Variants in CCDC68 observed in about 807,000 individuals in gnomAD.
CCDC68 encodes the protein coiled-coil domain containing 68, also known as coiled-coil domain-containing protein 68.
In CCDC68, 45 loss-of-function variants were observed where a neutral mutation model predicts 47.1. The ratio of observed to expected loss-of-function variants is 0.96; its 90% CI spans 0.75 to 1.23. CCDC68 has a LOEUF of 1.23. Ranked by LOEUF, CCDC68 falls within the 50% of genes most tolerant of loss-of-function variation. CCDC68 has a pLI of 0.00. For missense variants in CCDC68, 353 were observed against 373.6 expected (o/e 0.94, Z 0.45); for synonymous variants, 131 against 129.5 (o/e 1.01, Z -0.08).
chr18:54,922,513 T>C (rs958840510), intron 8 of CCDC68, among the ~76,000 whole-genome samples: 2 of 151,992 alleles, frequency 1.3e-5, no homozygotes, highest in African/African-American at 4.8e-5. Context: ...CTAAGGAGCC[T>C]CAGAAGAAAA....
chr18:54,917,834 T>C, intron 10 of CCDC68, 79 bp downstream of exon 10: 1 of 714,088 alleles, frequency 1.4e-6, no homozygotes. Context: ...TACCCTCACG[T>C]GCACAGACAC....
intron 1 of CCDC68, among the ~76,000 whole-genome samples, chr18:54,956,321 G>C (rs1038918068): frequency 8.5e-5 from 13 of 152,304 alleles, no homozygotes; most frequent in Admixed American, 7.8e-4. Context: ...GTTTGTTGGA[G>C]AGTTACACAC....
At chr18:54,907,453 T>TA (rs1914075938) in intron 11 of CCDC68, among the ~76,000 whole-genome samples, 1 of 152,102 alleles carries the variant, frequency 6.6e-6, no homozygotes. Flanking sequence ...ATCAATGGCA[T>TA]AAAAAACTTG....
chr18:54,950,016 A>G (rs1369668140), intron 1 of CCDC68, among the ~76,000 whole-genome samples: 1 of 152,202 alleles, frequency 6.6e-6, no homozygotes, highest in African/African-American at 2.4e-5. Flanking sequence ...GTCCTAGCAT[A>G]TGAGATCCTC....
Position 54,919,323 on chromosome 18 carries a change from A to G in CCDC68, c.737T>C (p.Leu246Pro). ...ISILQEQISH[L>P]QFVIHSQHQN... ...ATGTTGGGAGTGAATCACAAACTGCAGATGAGAGATCTGCTCCTGGAGAAT... is the reference window on the plus strand; with the variant it reads ...ATGTTGGGAGTGAATCACAAACTGCGGATGAGAGATCTGCTCCTGGAGAAT... Residue 246 changes from leucine (L) to proline (P), a missense_variant, in exon 9 of 12, where the codon CTG (leucine) becomes CCG (proline). Leu to Pro is a moderately conservative substitution (Grantham distance 98). Coordinates refer to ENST00000591504, the MANE Select transcript of CCDC68 (RefSeq NM_025214.3). 1 of 1,614,162 alleles carries G rather than the reference A, an allele frequency of 6.2e-7. No individual in the cohort carries two copies. Among genetic ancestry groups the G allele is most frequent in the Non-Finnish European group, 8.5e-7 (1 of 1,179,996 alleles).
chr18:54,923,029 G>A (rs2044088871), intron 8 of CCDC68, among the ~76,000 whole-genome samples: 1 of 150,700 alleles, frequency 6.6e-6, no homozygotes, highest in Non-Finnish European at 1.5e-5. Flanking sequence ...AAACACAGAG[G>A]GCAAACAGAA....
chr18:54,938,065 A>G lies in CCDC68; in HGVS notation c.237T>C (p.Ser79=), dbSNP rs534925035. The change falls in exon 5 of 12, where the codon TCT becomes TCC. Residue 79 remains serine, a synonymous_variant. Coordinates refer to ENST00000591504, the MANE Select transcript of CCDC68 (RefSeq NM_025214.3). ...HCGNLQQGSD[S]EMDPSCCSLD... is the part of the protein sequence containing the mutation. The stretch of plus-strand genomic sequence containing the variant: ...AACTGCAACAAGAAGGATCCATTTC[A>G]GAATCAGAGCCCTGTTGAAGGTTTC... 1.2e-6 allele frequency: 2 copies of G among 1,613,870 alleles called. No homozygotes were observed. Among genetic ancestry groups the G allele is most frequent in the South Asian group, 2.2e-5 (2 of 91,022 alleles).
At chr18:54,911,311 A>G (rs976254992) in intron 10 of CCDC68, among the ~76,000 whole-genome samples, 3 of 152,112 alleles carry the variant, frequency 2.0e-5, no homozygotes, top group African/African-American at 7.2e-5. Flanking sequence ...TCAGCCTCCC[A>G]AAGTGCTAAC....
intron 11 of CCDC68, among the ~76,000 whole-genome samples, chr18:54,907,430 G>A (rs1393712982): frequency 6.6e-6 from 1 of 152,074 alleles, no homozygotes; most frequent in Admixed American, 6.5e-5. Context: ...AACAATTAAA[G>A]ATTAAAATGT....
chr18:54,914,574 CGA>C (rs1298441642), intron 10 of CCDC68, among the ~76,000 whole-genome samples: 1 of 151,878 alleles, frequency 6.6e-6, no homozygotes, highest in East Asian at 1.9e-4. Flanking sequence ...GCCGAGATCA[CGA>C]GATCACGCCA....
intron 4 of CCDC68, among the ~76,000 whole-genome samples, chr18:54,939,322 G>A (rs1276153541): frequency 6.6e-6 from 1 of 152,000 alleles, no homozygotes. Flanking sequence ...ATTATCAGCA[G>A]TGGTAGATGG....
At chr18:54,921,017 A>G (rs560589971) in intron 8 of CCDC68, among the ~76,000 whole-genome samples, 1 of 152,366 alleles carries the variant, frequency 6.6e-6, no homozygotes, top group South Asian at 2.1e-4. Flanking sequence ...TGCAGCCATA[A>G]AAAGGAATGA....
intron 3 of CCDC68, 102 bp downstream of exon 3, chr18:54,942,573 T>G: frequency 1.5e-6 from 1 of 681,600 alleles, no homozygotes; most frequent in South Asian, 2.0e-5. Context: ...GGGTTGTTCC[T>G]TTACATATGT....
intron 10 of CCDC68, 117 bp downstream of exon 10, chr18:54,917,796 C>A (rs1416923219): frequency 7.3e-6 from 5 of 685,990 alleles, no homozygotes; most frequent in East Asian, 2.7e-5. Flanking sequence ...ACAATGCATG[C>A]TTTCATACAC....
intron 10 of CCDC68, among the ~76,000 whole-genome samples, chr18:54,913,640 AT>A (rs11341657): frequency 0.5 from 75,354 of 149,578 alleles, 20,991 homozygotes; most frequent in East Asian, 0.87. Flanking sequence ...TGTCTCTACA[AT>A]TTTTTTTTTT....
chr18:54,928,609 A>T (rs1422470323), intron 8 of CCDC68, among the ~76,000 whole-genome samples, 191 bp downstream of exon 8: 1 of 152,034 alleles, frequency 6.6e-6, no homozygotes, highest in Non-Finnish European at 1.5e-5. Context: ...CTGCCCTGTG[A>T]TTCCTCTGAG....
At chr18:54,948,492 G>A (rs1263452258) in intron 1 of CCDC68, among the ~76,000 whole-genome samples, 3 of 152,124 alleles carry the variant, frequency 2.0e-5, no homozygotes, top group African/African-American at 7.2e-5. Flanking sequence ...CCATTTCCCT[G>A]TTCAAGCCAC....
At chr18:54,920,907 C>G (rs955438035) in intron 8 of CCDC68, among the ~76,000 whole-genome samples, 2 of 152,172 alleles carry the variant, frequency 1.3e-5, no homozygotes, top group African/African-American at 4.8e-5. Flanking sequence ...ATGTCCATCA[C>G]AGCAGTATTC....
intron 10 of CCDC68, among the ~76,000 whole-genome samples, chr18:54,916,616 C>A (rs115985999): frequency 6.6e-6 from 1 of 152,156 alleles, no homozygotes; most frequent in African/African-American, 2.4e-5. Flanking sequence ...AGCAGAGACA[C>A]GGCAAGAAAT....
Sources: allele counts gnomAD v4.1 joint callset (sites outside exome capture counted in the v4.1 genomes callset), GRCh38; gene constraint gnomAD v4.1.1; transcripts MANE v1.5; gene names NCBI Gene and HGNC (gene_info 2026-07-23, HGNC 2026-07-21).